The following MAP4K3 variants were observed in gnomAD, a reference collection of about 807,000 sequenced individuals.
MAP4K3 encodes MAPK/ERK kinase kinase kinase 3.
A neutral mutation model predicts 143.5 loss-of-function variants in MAP4K3; 94 were observed. That is an observed-to-expected ratio of 0.65 (90% CI 0.55 to 0.78). The LOEUF is 0.78. Among genes scored for constraint, MAP4K3 ranks in the 30% least tolerant of loss-of-function variants. The pLI, the probability that MAP4K3 is intolerant of heterozygous loss-of-function variation, is 0.00. For synonymous variants in MAP4K3, 416 were observed against 347.2 expected (o/e 1.20, Z -2.20); for missense variants, 1,077 against 1,068.1 (o/e 1.01, Z -0.12).
intron 1 of MAP4K3, among the ~76,000 whole-genome samples, chr2:39,431,478 G>A (rs1164191074): frequency 2.0e-5 from 3 of 152,088 alleles, no homozygotes; most frequent in African/African-American, 4.8e-5. Flanking sequence ...TTCAGGTCCC[G>A]TAAAACCTGG....
intron 1 of MAP4K3, among the ~76,000 whole-genome samples, chr2:39,429,421 C>T (rs1665213309): frequency 6.6e-6 from 1 of 152,144 alleles, no homozygotes. Flanking sequence ...CACACAATCC[C>T]AGCAGGCTGT....
rs538043232 is a variant in MAP4K3, at chr2:39,373,125, C to G, written c.154+4941G>C. ...AACCCTAATTCAATTTAAAAATGGGCAAAAGATCTGAACAGACATTTCTTC... is the reference window on the plus strand; with the variant it reads ...AACCCTAATTCAATTTAAAAATGGGGAAAAGATCTGAACAGACATTTCTTC... On this transcript the variant is annotated intron_variant, in intron 2 of 33. Transcript: ENST00000263881. Among the ~76,000 whole-genome samples, 544 of 152,222 alleles carry G rather than the reference C, an allele frequency of 3.6e-3. 2 individuals carry two copies. Among genetic ancestry groups the G allele is most frequent in the Admixed American group, 7.4e-3 (113 of 15,292 alleles).
intron 2 of MAP4K3, among the ~76,000 whole-genome samples, chr2:39,375,396 T>C (rs1022575972): frequency 1.3e-5 from 2 of 152,086 alleles, no homozygotes; most frequent in Non-Finnish European, 2.9e-5. Flanking sequence ...AAGAATATAT[T>C]ACATGATGCT....
At chr2:39,259,027 C>T (rs1680456315) in intron 29 of MAP4K3, among the ~76,000 whole-genome samples, 1 of 142,186 alleles carries the variant, frequency 7.0e-6, no homozygotes, top group Non-Finnish European at 1.5e-5. Flanking sequence ...TTTTTTGCGC[C>T]TGCTGCTCAG....
chr2:39,252,956 G>C (rs1027254166), intron 32 of MAP4K3, among the ~76,000 whole-genome samples: 4 of 150,420 alleles, frequency 2.7e-5, no homozygotes, highest in African/African-American at 4.9e-5. Flanking sequence ...GTGACTTTTT[G>C]GGTGAACTTT....
intron 3 of MAP4K3, among the ~76,000 whole-genome samples, chr2:39,352,522 T>C (rs1665489810): frequency 1.3e-5 from 2 of 152,206 alleles, no homozygotes; most frequent in Non-Finnish European, 1.5e-5. Context: ...ATTCTGTTGT[T>C]TTATAAATAC....
chr2:39,369,591 C>T (rs966843370), intron 2 of MAP4K3, among the ~76,000 whole-genome samples: 3 of 152,166 alleles, frequency 2.0e-5, no homozygotes, highest in Admixed American at 1.3e-4. Flanking sequence ...ACTACCTTTG[C>T]TTTTATACTA....
intron 18 of MAP4K3, 36 bp from the exon 19 acceptor site, chr2:39,290,370 T>A (rs774753019): frequency 7.1e-7 from 1 of 1,402,162 alleles, no homozygotes; most frequent in Non-Finnish European, 9.9e-7. Context: ...GAACTATTCA[T>A]TTTACAAATG....
intron 12 of MAP4K3, among the ~76,000 whole-genome samples, chr2:39,318,412 G>A (rs1035233): frequency 0.99 from 150,196 of 152,278 alleles, 74,115 homozygotes; most frequent in Middle Eastern, 1. Context: ...AAAAAGAAAC[G>A]TAATGAATTA....
intron 1 of MAP4K3, among the ~76,000 whole-genome samples, chr2:39,386,406 T>C (rs1666506549): frequency 6.6e-6 from 1 of 152,270 alleles, no homozygotes; most frequent in African/African-American, 2.4e-5. Context: ...GTTTTTATTT[T>C]TGATAAAGTC....
Position 39,260,754 on chromosome 2 carries a change from A to C in MAP4K3, c.2160T>G (p.Cys720Trp). 6.2e-7 allele frequency: 1 copy of C among 1,612,918 alleles called. No homozygotes were observed. Among genetic ancestry groups the C allele is most frequent in the Non-Finnish European group, 8.5e-7 (1 of 1,178,980 alleles). The change falls in exon 29 of 34, where the codon TGT (cysteine) becomes TGG (tryptophan). Residue 720 changes from cysteine to tryptophan, a missense_variant. Cys to Trp is a radical substitution (Grantham distance 215, BLOSUM62 -2). Around this residue, in one of 2 missense-constraint regions of MAP4K3, gnomAD observed 864 missense variants for 801.2 expected, o/e 1.08. Coordinates refer to ENST00000263881, the MANE Select transcript of MAP4K3 (RefSeq NM_003618.4). ...CCAGCATTTCAAACATTCTAAGTGG[A>C]CATGGTATAGGAAAATCTATGTGCT... The part of the protein sequence containing the change: ...LIKHIDFPIP[C>W]PLRMFEMLVV...
intron 15 of MAP4K3, among the ~76,000 whole-genome samples, chr2:39,304,068 A>G (rs1682606282): frequency 6.6e-6 from 1 of 152,116 alleles, no homozygotes; most frequent in Non-Finnish European, 1.5e-5. Context: ...TTTTAAACTC[A>G]GGCATCTTTC....
intron 1 of MAP4K3, among the ~76,000 whole-genome samples, chr2:39,409,842 G>A (rs1667190275): frequency 6.6e-6 from 1 of 152,164 alleles, no homozygotes; most frequent in South Asian, 2.1e-4. Context: ...TGTAAAGACA[G>A]ATCTCTAATT....
At chr2:39,356,392 CATTT>C (rs1243316847) in intron 2 of MAP4K3, 53 bp from the exon 3 acceptor site, 10 of 927,066 alleles carry the variant, frequency 1.1e-5, no homozygotes, top group Non-Finnish European at 1.6e-5. Flanking sequence ...TCAAAATGCT[CATTT>C]ATTTCAAAAC....
intron 27 of MAP4K3, among the ~76,000 whole-genome samples, chr2:39,266,041 A>C (rs548252577): frequency 6.6e-6 from 1 of 152,352 alleles, no homozygotes; most frequent in African/African-American, 2.4e-5. Flanking sequence ...GAGAACAGCA[A>C]AACTGTCCCG....
At chr2:39,412,813 G>T (rs1294999655) in intron 1 of MAP4K3, among the ~76,000 whole-genome samples, 1 of 151,656 alleles carries the variant, frequency 6.6e-6, no homozygotes, top group East Asian at 1.9e-4. Context: ...GAGGCATAAA[G>T]AAATTAAATT....
chr2:39,332,841 G>C (rs1469686510), intron 7 of MAP4K3, among the ~76,000 whole-genome samples: 1 of 152,032 alleles, frequency 6.6e-6, no homozygotes. Context: ...GTTCAAAATA[G>C]TTATATCTAT....
At chr2:39,349,438 A>T (rs904915162) in intron 3 of MAP4K3, among the ~76,000 whole-genome samples, 17 of 152,318 alleles carry the variant, frequency 1.1e-4, no homozygotes, top group Non-Finnish European at 5.9e-5. Context: ...CCCAGTGTTC[A>T]GCATAATATT....
intron 6 of MAP4K3, among the ~76,000 whole-genome samples, chr2:39,334,604 A>G (rs894079197): frequency 6.6e-6 from 1 of 152,112 alleles, no homozygotes; most frequent in Non-Finnish European, 1.5e-5. Flanking sequence ...GCTATCTAAG[A>G]CTTCTGTCAG....
Sources: gnomAD v4.1 joint callset for allele counts (sites outside exome capture counted in the v4.1 genomes callset) on GRCh38, gnomAD v4.1.1 for gene constraint, gnomAD v4.1.1 regional missense constraint, MANE v1.5 for transcripts, NCBI Gene and HGNC (gene_info 2026-07-23, HGNC 2026-07-21) for gene names.